The following ACOT7 variants were observed in gnomAD, a reference collection of about 807,000 sequenced individuals.
ACOT7 encodes acyl-CoA thioesterase 7, also known as cytosolic acyl coenzyme A thioester hydrolase.
A neutral mutation model predicts 40.2 loss-of-function variants in ACOT7; 12 were observed. The ratio of observed to expected loss-of-function variants is 0.30; its 90% CI spans 0.19 to 0.48. The LOEUF is 0.48. Ranked by LOEUF, ACOT7 falls within the 20% of genes least tolerant of loss-of-function variation. The pLI is 0.99. For synonymous variants in ACOT7, 228 were observed against 219.5 expected (o/e 1.04, Z -0.34); for missense variants, 395 against 530.8 (o/e 0.74, Z 2.51).
At chr1:6,329,229 C>T (rs1010130795) in intron 4 of ACOT7, among the ~76,000 whole-genome samples, 3 of 152,234 alleles carry the variant, frequency 2.0e-5, no homozygotes, top group Admixed American at 6.5e-5. Context: ...CGTTCCTCGG[C>T]GTAACTACCC....
intron 6 of ACOT7, among the ~76,000 whole-genome samples, chr1:6,316,073 C>T (rs1263021964): frequency 6.6e-6 from 1 of 152,124 alleles, no homozygotes; most frequent in African/African-American, 2.4e-5. Context: ...ACAGCGACGA[C>T]GGAAATGCCC....
Position 6,282,773 on chromosome 1 carries a change from C to T in ACOT7, c.830-1487G>A, listed in dbSNP as rs1341736062. 1 of 1,304,294 alleles carries T rather than the reference C, an allele frequency of 7.7e-7. No homozygotes were observed. The highest frequency in any genetic ancestry group is 2.3e-5 in the Admixed American group (1 of 43,580). 80.8% of individuals were successfully genotyped at this position (1,304,294 alleles called of 1,614,324 possible). Reference sequence around the variant, plus strand: ...GGAGAGGAGGAAGGAGCTGTGTGGTCAGCGCCAGCAGGCATTACGTGAGCT... The same window carrying T: ...GGAGAGGAGGAAGGAGCTGTGTGGTTAGCGCCAGCAGGCATTACGTGAGCT... On this transcript the variant is annotated intron_variant, in intron 7 of 8. Transcript: ENST00000361521. This position sits in a 1 kb window ranked among gnomAD's most constrained non-coding sequence, Gnocchi z 4.5.
chr1:6,266,240 A>G lies in ACOT7; in HGVS notation c.1015-1545T>C, dbSNP rs567187435. On this transcript the variant is annotated intron_variant, in intron 8 of 8. Coordinates refer to ENST00000361521, the MANE Select transcript of ACOT7 (RefSeq NM_007274.4). The stretch of plus-strand genomic sequence containing the variant: ...CCTGAAACAGTCCAGGGAAAATGAA[A>G]TGTTCTTTCTCAGTTCCAGCAGCAC... 2.0e-4 allele frequency among the ~76,000 whole-genome samples: 30 copies of G among 152,346 alleles called. 1 individual carries two copies. In the South Asian group the frequency reaches 2.1e-3, roughly 11 times the overall value.
At chr1:6,351,365 T>C (rs1233534796) in intron 1 of ACOT7, among the ~76,000 whole-genome samples, 7 of 152,266 alleles carry the variant, frequency 4.6e-5, no homozygotes, top group African/African-American at 1.7e-4. Context: ...AGAAACCTCA[T>C]TTGGCTTCTC....
In ACOT7 at chr1:6,311,756, C is replaced by T. The variant is rs1232727154; in HGVS notation, c.712+6736G>A. On this transcript the variant is annotated intron_variant, in intron 6 of 8. Coordinates refer to ENST00000361521, the MANE Select transcript of ACOT7 (RefSeq NM_007274.4). This position sits in a 1 kb window ranked among gnomAD's most constrained non-coding sequence, Gnocchi z 5.2. ...GAAGGGAAACACACTCATGGACACACGAGTCCAGGAGCGCCCCTTTCTCAC... is the reference window on the plus strand; with the variant it reads ...GAAGGGAAACACACTCATGGACACATGAGTCCAGGAGCGCCCCTTTCTCAC... Among the ~76,000 whole-genome samples, 4 of 152,194 alleles carry T rather than the reference C, an allele frequency of 2.6e-5. No individual in the cohort carries two copies. The highest frequency in any genetic ancestry group is 1.9e-4 in the East Asian group (1 of 5,192).
Position 6,281,375 on chromosome 1 carries a change from A to C in ACOT7, c.830-89T>G, listed in dbSNP as rs543024693. ...GCGTTTCTGTGGTCAGCAGGCAGAC[A>C]CTTGGTTAGGGGAAGCAGTGGCTTG... On this transcript the variant is annotated intron_variant, in intron 7 of 8. Transcript: ENST00000361521. The C allele has an allele frequency of 5.8e-5, 70 of 1,207,876 alleles. No homozygotes were observed. The African/African-American group carries it at 9.4e-4, about 16-fold the overall frequency. 74.8% of individuals were successfully genotyped at this position (1,207,876 alleles called of 1,614,324 possible).
intron 1 of ACOT7, among the ~76,000 whole-genome samples, chr1:6,350,266 A>T (rs1019480740): frequency 5.3e-5 from 8 of 152,062 alleles, no homozygotes; most frequent in Admixed American, 2.0e-4. Flanking sequence ...AATTCCCGGG[A>T]CCACCACCAC....
rs564353633 is a variant in ACOT7 at position 6,277,341 on chromosome 1, C to T, written c.1014+3761G>A. ...GTCATTGGTGGGCAAACACCAACCA[C>T]GCCTGCAGCCGCTGCCAACCTGGGA... On this transcript the variant is annotated intron_variant, in intron 8 of 8. Transcript: ENST00000361521. Among the ~76,000 whole-genome samples the T allele has an allele frequency of 3.9e-5, 6 of 152,350 alleles. No individual in the cohort carries two copies. The East Asian group carries it at 5.8e-4, about 15-fold the overall frequency.
At chr1:6,283,363 T>C (rs551968537) in intron 7 of ACOT7, among the ~76,000 whole-genome samples, 1 of 152,298 alleles carries the variant, frequency 6.6e-6, no homozygotes, top group South Asian at 2.1e-4. Context: ...GGTTTTGTCT[T>C]GTTGACCAGG....
At chr1:6,292,364 C>T (rs1160100599) in intron 7 of ACOT7, among the ~76,000 whole-genome samples, 1 of 152,246 alleles carries the variant, frequency 6.6e-6, no homozygotes, top group Non-Finnish European at 1.5e-5. Context: ...CCAACCTGCC[C>T]TCACTGCGTG....
chr1:6,364,976 T>C (rs1200130122), intron 1 of ACOT7, among the ~76,000 whole-genome samples: 1 of 150,152 alleles, frequency 6.7e-6, no homozygotes, highest in Non-Finnish European at 1.5e-5. Flanking sequence ...TGAGCTGAGA[T>C]CGCCCCACTG....
Position 6,289,750 on chromosome 1 carries a change from C to T in ACOT7, c.829+5114G>A, listed in dbSNP as rs191534821. Among the ~76,000 whole-genome samples the T allele has an allele frequency of 5.9e-5, 9 of 152,252 alleles. No homozygotes were observed. In the East Asian group the frequency reaches 7.7e-4, roughly 13 times the overall value. On this transcript the variant is annotated intron_variant, in intron 7 of 8. Transcript: ENST00000361521. This position sits in a 1 kb window ranked among gnomAD's most constrained non-coding sequence, Gnocchi z 4.6. ...CTCACTGTGTTGCCCAGGCTGGTCTCGAACCCCTGGCTTAAGCAATCCTCC... is the reference window on the plus strand; with the variant it reads ...CTCACTGTGTTGCCCAGGCTGGTCTTGAACCCCTGGCTTAAGCAATCCTCC...
intron 7 of ACOT7, among the ~76,000 whole-genome samples, chr1:6,293,100 A>G (rs537222828): frequency 6.6e-6 from 1 of 152,256 alleles, no homozygotes; most frequent in South Asian, 2.1e-4. Context: ...CATGTTAACC[A>G]GGATGATCTC....
chr1:6,390,114 C>T (rs1405585709), intron 1 of ACOT7, among the ~76,000 whole-genome samples: 3 of 152,162 alleles, frequency 2.0e-5, no homozygotes, highest in Non-Finnish European at 2.9e-5. Flanking sequence ...TGAGTCAAGC[C>T]GATGGAACCA....
chr1:6,312,350 T>A (rs1482313818), intron 6 of ACOT7, among the ~76,000 whole-genome samples: 1 of 152,172 alleles, frequency 6.6e-6, no homozygotes, highest in Non-Finnish European at 1.5e-5. Context: ...GTAAGTGGAT[T>A]GTTTGTAACA....
chr1:6,275,552 A>G lies in ACOT7; in HGVS notation c.1014+5550T>C, dbSNP rs957624835. ...GCCAACATGGTGAAACCCCATTTCT[A>G]CTAAAAATACAAAAATTAATAAGGA... On this transcript the variant is annotated intron_variant, in intron 8 of 8. Coordinates refer to ENST00000361521, the MANE Select transcript of ACOT7 (RefSeq NM_007274.4). The surrounding 1 kb of genome is among the most constrained non-coding windows in gnomAD (Gnocchi z 5.6). 2.0e-5 allele frequency among the ~76,000 whole-genome samples: 3 copies of G among 152,020 alleles called. No individual in the cohort carries two copies. Among genetic ancestry groups the G allele is most frequent in the Non-Finnish European group, 4.4e-5 (3 of 67,996 alleles).
At chr1:6,314,835 A>G (rs1347914084) in intron 6 of ACOT7, among the ~76,000 whole-genome samples, 1 of 151,600 alleles carries the variant, frequency 6.6e-6, no homozygotes, top group African/African-American at 2.4e-5. Flanking sequence ...TCAACCCAGA[A>G]CGGCAGAGAC....
chr1:6,379,876 C>G (rs565617484), intron 1 of ACOT7, among the ~76,000 whole-genome samples: 2 of 151,292 alleles, frequency 1.3e-5, no homozygotes, highest in African/African-American at 4.8e-5. Context: ...GCCTGGCCAA[C>G]GTGTTGAAAC....
intron 1 of ACOT7, among the ~76,000 whole-genome samples, chr1:6,392,853 G>A (rs904439199): frequency 3.3e-5 from 5 of 152,192 alleles, no homozygotes; most frequent in African/African-American, 1.2e-4. Flanking sequence ...TCCTCGAGGA[G>A]GCTAAGCAGG....
Sources: allele counts gnomAD v4.1 joint callset (sites outside exome capture counted in the v4.1 genomes callset), GRCh38; gene constraint gnomAD v4.1.1; non-coding constraint Gnocchi (gnomAD v3.1); transcripts MANE v1.5; gene names NCBI Gene and HGNC (gene_info 2026-07-23, HGNC 2026-07-21).